Variants in MRTFA observed in about 807,000 individuals in gnomAD.
The protein encoded by MRTFA is myocardin related transcription factor A.
Under a neutral mutation model 83.5 loss-of-function variants are expected in MRTFA, and 20 were observed. The observed-to-expected ratio is 0.24, with a 90% CI of 0.17 to 0.35. MRTFA has a LOEUF of 0.35. Among genes scored for constraint, MRTFA ranks in the 10% least tolerant of loss-of-function variants. The pLI is 1.00. For synonymous variants in MRTFA, 659 were observed against 541.2 expected, an observed-to-expected ratio of 1.22 and a Z score of -3.02; for missense variants, 1,200 against 1,224.7, an observed-to-expected ratio of 0.98 and a Z score of 0.30.
intron 2 of MRTFA, among the ~76,000 whole-genome samples, chr22:40,580,301 C>T (rs1394074475): frequency 6.6e-6 from 1 of 152,106 alleles, no homozygotes; most frequent in South Asian, 2.1e-4. Flanking sequence ...TGGGCTCAAG[C>T]ATTCCTCCCA....
chr22:40,491,352 AC>A (rs1405254614), intron 3 of MRTFA, among the ~76,000 whole-genome samples: 1 of 152,132 alleles, frequency 6.6e-6, no homozygotes, highest in African/African-American at 2.4e-5. Context: ...TAAAAAAAAA[AC>A]AAAACCAAGA....
chr22:40,563,206 G>T (rs982421902), intron 2 of MRTFA, among the ~76,000 whole-genome samples: 1 of 151,976 alleles, frequency 6.6e-6, no homozygotes, highest in South Asian at 2.1e-4. Context: ...GCCTAGAATT[G>T]CCTCTTCTTC....
chr22:40,445,528 T>G (rs763712394), intron 4 of MRTFA, among the ~76,000 whole-genome samples: 7 of 150,918 alleles, frequency 4.6e-5, no homozygotes, highest in Non-Finnish European at 8.9e-5. Flanking sequence ...AGCCAAGGGG[T>G]TTTTTTTTGT....
intron 2 of MRTFA, among the ~76,000 whole-genome samples, chr22:40,591,005 C>T (rs1327904115): frequency 2.0e-5 from 3 of 151,972 alleles, no homozygotes; most frequent in Admixed American, 6.6e-5. Flanking sequence ...CGTGGTGGCA[C>T]GCGCCTGTAG....
At chr22:40,442,808 C>A (rs1228668375) in intron 4 of MRTFA, among the ~76,000 whole-genome samples, 1 of 152,060 alleles carries the variant, frequency 6.6e-6, no homozygotes, top group Non-Finnish European at 1.5e-5. Flanking sequence ...GGGGAGATAG[C>A]TGAGGCTAAG....
intron 3 of MRTFA, among the ~76,000 whole-genome samples, chr22:40,513,891 G>A (rs1255409122): frequency 2.6e-5 from 4 of 151,866 alleles, no homozygotes; most frequent in Non-Finnish European, 5.9e-5. Flanking sequence ...TGAGCCAGGA[G>A]TTTGAGACCA....
intron 2 of MRTFA, among the ~76,000 whole-genome samples, chr22:40,554,715 CTAA>C (rs2055494569): frequency 6.6e-6 from 1 of 152,170 alleles, no homozygotes; most frequent in African/African-American, 2.4e-5. Flanking sequence ...TATGCCGATG[CTAA>C]TATTATAAAT....
At chr22:40,545,179 C>G (rs1201745327) in intron 3 of MRTFA, among the ~76,000 whole-genome samples, 2 of 152,040 alleles carry the variant, frequency 1.3e-5, no homozygotes, top group African/African-American at 2.4e-5. Context: ...TTCTCCAAGC[C>G]CTGGCTAGAT....
At position 40,636,471 on chromosome 22, in the gene MRTFA, C is replaced by T. The variant is rs927962914; in HGVS notation, c.-84+7G>A. ...GGGAGGGGTCCCCAACCCGGACTCT[C>T]ACTCACCGCCTCGCGCGGCTCCCGG... On this transcript the variant is annotated splice_region_variant and intron_variant, in intron 1 of 14. Coordinates refer to ENST00000355630, the MANE Select transcript of MRTFA (RefSeq NM_020831.6). The T allele has an allele frequency of 6.6e-6, 1 of 152,352 alleles. No individual in the cohort carries two copies. Among genetic ancestry groups the T allele is most frequent in the Non-Finnish European group, 1.5e-5 (1 of 68,150 alleles). 9.4% of individuals were successfully genotyped at this position (152,352 alleles called of 1,614,324 possible).
intron 1 of MRTFA, among the ~76,000 whole-genome samples, chr22:40,632,921 A>C (rs2147455431): frequency 6.6e-6 from 1 of 152,322 alleles, no homozygotes; most frequent in African/African-American, 2.4e-5. Flanking sequence ...TTGAGAGCGG[A>C]GACTATTTCC....
intron 1 of MRTFA, among the ~76,000 whole-genome samples, chr22:40,632,641 G>A (rs543306593): frequency 7.8e-4 from 118 of 152,130 alleles, no homozygotes; most frequent in Non-Finnish European, 1.5e-3. Context: ...TCCCCATGTT[G>A]GCCAGGCTGG....
intron 4 of MRTFA, among the ~76,000 whole-genome samples, chr22:40,461,965 G>T (rs2053722315): frequency 6.6e-6 from 1 of 152,060 alleles, no homozygotes; most frequent in African/African-American, 2.4e-5. Flanking sequence ...ACCAACTTCT[G>T]GCCTGCACCA....
At chr22:40,412,480 GCA>G (rs1569245470) in intron 14 of MRTFA, 4 of 152,172 alleles carry the variant, frequency 2.6e-5, no homozygotes, top group Non-Finnish European at 5.9e-5. Context: ...CCACTGCTGG[GCA>G]TATACCCAAA....
intron 1 of MRTFA, among the ~76,000 whole-genome samples, chr22:40,618,472 G>A (rs2056481906): frequency 6.6e-6 from 1 of 151,996 alleles, no homozygotes; most frequent in Admixed American, 6.6e-5. Flanking sequence ...ACCATGCGAA[G>A]GGAGAGAGTA....
intron 2 of MRTFA, among the ~76,000 whole-genome samples, chr22:40,573,301 C>A (rs895507237): frequency 6.6e-6 from 1 of 152,162 alleles, no homozygotes; most frequent in Admixed American, 6.5e-5. Context: ...GTCACCCAGG[C>A]TGGAGTGCAG....
intron 9 of MRTFA, 87 bp from the exon 10 acceptor site, chr22:40,421,187 C>A (rs894953865): frequency 1.5e-5 from 21 of 1,423,440 alleles, no homozygotes; most frequent in Non-Finnish European, 1.8e-5. Flanking sequence ...ACCTGTGTGG[C>A]TTCTGAGAAG....
chr22:40,459,822 C>CATATACATATATAT (rs1555973786), intron 4 of MRTFA, among the ~76,000 whole-genome samples: 39 of 68,242 alleles, frequency 5.7e-4, no homozygotes, highest in African/African-American at 2.4e-3. Context: ...CACACACACA[C>CATATACATATATAT]ATATATACAT....
intron 2 of MRTFA, among the ~76,000 whole-genome samples, chr22:40,565,159 C>T (rs1038220056): frequency 6.6e-6 from 1 of 152,208 alleles, no homozygotes; most frequent in African/African-American, 2.4e-5. Context: ...CCATTCCCAA[C>T]AAGCCCCTAC....
intron 3 of MRTFA, among the ~76,000 whole-genome samples, chr22:40,495,490 G>A (rs2054337086): frequency 6.9e-6 from 1 of 144,594 alleles, no homozygotes. Flanking sequence ...TGGGTGTGGG[G>A]GCTCACACCT....
Sources: allele counts gnomAD v4.1 joint callset (sites outside exome capture counted in the v4.1 genomes callset), GRCh38; gene constraint gnomAD v4.1.1; transcripts MANE v1.5; gene names NCBI Gene and HGNC (gene_info 2026-07-23, HGNC 2026-07-21).